The following CEP112 variants were observed in gnomAD, a reference collection of about 807,000 sequenced individuals.
CEP112 encodes the protein centrosomal protein 112, also known as centrosomal protein of 112 kDa.
CEP112 carries 127 observed loss-of-function variants against 153.0 expected under a neutral mutation model. The ratio of observed to expected loss-of-function variants is 0.83; its 90% CI spans 0.72 to 0.96. The LOEUF (loss-of-function observed/expected upper bound fraction) is 0.96, where lower values mean the gene tolerates loss of function less well. Among genes scored for constraint, CEP112 ranks in the 40% least tolerant of loss-of-function variants. The pLI is 0.00. For synonymous variants in CEP112, 358 were observed against 374.4 expected, an observed-to-expected ratio of 0.96 and a Z score of 0.51; for missense variants, 1,089 against 1,101.2, an observed-to-expected ratio of 0.99 and a Z score of 0.16.
At chr17:66,185,750 A>G (rs2072907388) in intron 1 of CEP112, among the ~76,000 whole-genome samples, 2 of 152,162 alleles carry the variant, frequency 1.3e-5, no homozygotes, top group African/African-American at 4.8e-5. Flanking sequence ...GAATAGTGCC[A>G]ATTTGTCATT....
intron 21 of CEP112, among the ~76,000 whole-genome samples, chr17:65,792,979 T>C (rs1281621562): frequency 6.6e-6 from 1 of 152,142 alleles, no homozygotes; most frequent in African/African-American, 2.4e-5. Flanking sequence ...GCTGGACGCC[T>C]AGTGGGCACT....
intron 21 of CEP112, among the ~76,000 whole-genome samples, chr17:65,823,505 C>T (rs2056693897): frequency 6.6e-6 from 1 of 152,142 alleles, no homozygotes; most frequent in Non-Finnish European, 1.5e-5. Context: ...CCACAAAAAT[C>T]TACTCAAAAT....
intron 6 of CEP112, among the ~76,000 whole-genome samples, chr17:66,125,013 T>TA (rs1485688373): frequency 6.6e-6 from 1 of 152,200 alleles, no homozygotes; most frequent in Non-Finnish European, 1.5e-5. Flanking sequence ...TAAATACTGT[T>TA]ACGGCTTTGT....
Position 65,679,129 on chromosome 17 carries a change from C to CTTTTTTTTTTTTTTTTTTTTTT in CEP112, c.2697+9978_2697+9999dup, listed in dbSNP as rs57907674. Among the ~76,000 whole-genome samples the CTTTTTTTTTTTTTTTTTTTTTT allele has an allele frequency of 2.8e-4, 9 of 31,630 alleles. 3 individuals are homozygous for CTTTTTTTTTTTTTTTTTTTTTT. Among genetic ancestry groups the CTTTTTTTTTTTTTTTTTTTTTT allele is most frequent in the South Asian group, 2.8e-3 (2 of 718 alleles). 20.8% of individuals were successfully genotyped at this position (31,630 alleles called of 152,430 possible). On this transcript the variant is annotated intron_variant, in intron 24 of 26. Coordinates refer to ENST00000535342, the MANE Select transcript of CEP112 (RefSeq NM_001199165.4). ...AATGTCCTTGACACTGTGGTTCAAG[C>CTTTTTTTTTTTTTTTTTTTTTT]TTTTTTTTTTTTTTTTTTTTTTTTT...
chr17:65,713,391 A>G (rs950807247), intron 23 of CEP112, among the ~76,000 whole-genome samples: 11 of 152,202 alleles, frequency 7.2e-5, no homozygotes, highest in African/African-American at 2.7e-4. Context: ...AAATATAGCT[A>G]ATGAAAACCT....
chr17:66,094,463 T>C (rs1483055487), intron 8 of CEP112, among the ~76,000 whole-genome samples: 1 of 151,912 alleles, frequency 6.6e-6, no homozygotes, highest in African/African-American at 2.4e-5. Context: ...TGCAGAAGAA[T>C]GAAATTAGAC....
At chr17:66,166,600 C>A (rs1157968541) in intron 4 of CEP112, among the ~76,000 whole-genome samples, 1 of 151,960 alleles carries the variant, frequency 6.6e-6, no homozygotes, top group Non-Finnish European at 1.5e-5. Flanking sequence ...GAACTAAAAT[C>A]AAAATATTAG....
intron 20 of CEP112, among the ~76,000 whole-genome samples, chr17:65,870,256 C>A (rs1341089707): frequency 6.6e-6 from 1 of 152,034 alleles, no homozygotes; most frequent in African/African-American, 2.4e-5. Flanking sequence ...AGATTCATAA[C>A]TGATGTTGAA....
intron 6 of CEP112, among the ~76,000 whole-genome samples, chr17:66,118,436 G>T (rs1473441359): frequency 6.6e-6 from 1 of 152,010 alleles, no homozygotes; most frequent in African/African-American, 2.4e-5. Context: ...TATGTTAAAT[G>T]AAATAAGGCA....
chr17:65,755,125 A>C (rs2052170276), intron 21 of CEP112, among the ~76,000 whole-genome samples: 1 of 152,160 alleles, frequency 6.6e-6, no homozygotes, highest in Admixed American at 6.5e-5. Flanking sequence ...AAAATAATAA[A>C]AAGAGAAATA....
intron 6 of CEP112, among the ~76,000 whole-genome samples, chr17:66,098,966 C>A (rs2068454299): frequency 6.6e-6 from 1 of 152,084 alleles, no homozygotes; most frequent in African/African-American, 2.4e-5. Context: ...ACTGACCTGT[C>A]AAAGAAAAGT....
chr17:65,970,774 C>A (rs928606433), intron 17 of CEP112, among the ~76,000 whole-genome samples: 3 of 60,766 alleles, frequency 4.9e-5, no homozygotes, highest in African/African-American at 4.2e-5. Flanking sequence ...TTACATGTTA[C>A]ATGCATGCAT....
intron 4 of CEP112, among the ~76,000 whole-genome samples, chr17:66,172,551 T>A (rs910152927): frequency 6.6e-6 from 1 of 152,228 alleles, no homozygotes; most frequent in Non-Finnish European, 1.5e-5. Flanking sequence ...TTTTTACAAT[T>A]GTGGGGATTT....
At chr17:65,726,947 T>G (rs1249780934) in intron 23 of CEP112, among the ~76,000 whole-genome samples, 1 of 152,208 alleles carries the variant, frequency 6.6e-6, no homozygotes, top group Non-Finnish European at 1.5e-5. Flanking sequence ...AGCTTTTTGC[T>G]CAAACAATCC....
At chr17:65,779,155 A>G (rs1396521998) in intron 21 of CEP112, among the ~76,000 whole-genome samples, 1 of 152,070 alleles carries the variant, frequency 6.6e-6, no homozygotes, top group Non-Finnish European at 1.5e-5. Context: ...CAAAGAAAAA[A>G]CTCTCACATT....
intron 24 of CEP112, among the ~76,000 whole-genome samples, chr17:65,679,626 A>C (rs1258925915): frequency 6.6e-6 from 1 of 152,210 alleles, no homozygotes; most frequent in East Asian, 1.9e-4. Context: ...CAATTGTCAC[A>C]ATTATTGCAC....
Position 65,636,960 on chromosome 17 carries a change from A to AG in CEP112, c.2864+163dup, listed in dbSNP as rs142554648. Reference sequence around the variant, plus strand: ...GTACAGACTAAGCACTGGGATGAGAAGGGGGGTGACTTCTTAAAGACATGC... The same window carrying AG: ...GTACAGACTAAGCACTGGGATGAGAAGGGGGGGTGACTTCTTAAAGACATGC... On this transcript the variant is annotated intron_variant, in intron 26 of 26. Coordinates refer to ENST00000535342, the MANE Select transcript of CEP112 (RefSeq NM_001199165.4). 4.7e-3 allele frequency: 2,900 copies of AG among 613,220 alleles called. 63 individuals are homozygous for AG. The African/African-American group carries it at 0.048, about 10-fold the overall frequency. The allele number at this position is 613,220 out of a possible 1,614,324, so 38.0% of individuals were successfully genotyped here.
chr17:65,913,901 CTGTAGG>C (rs2060376612), intron 19 of CEP112: 1 of 982,910 alleles, frequency 1.0e-6, no homozygotes, highest in African/African-American at 1.7e-5. Flanking sequence ...TCTCCAGCAC[CTGTAGG>C]TGATGAGTGA....
At chr17:66,091,386 G>T (rs945085637) in intron 8 of CEP112, among the ~76,000 whole-genome samples, 1 of 151,850 alleles carries the variant, frequency 6.6e-6, no homozygotes, top group African/African-American at 2.4e-5. Flanking sequence ...GTAACAAGAG[G>T]AATTTCAGAA....
Sources: allele counts gnomAD v4.1 joint callset (sites outside exome capture counted in the v4.1 genomes callset), GRCh38; gene constraint gnomAD v4.1.1; transcripts MANE v1.5; gene names NCBI Gene and HGNC (gene_info 2026-07-23, HGNC 2026-07-21).